PPIP5K2: variants seen among roughly 807,000 people sequenced by gnomAD.
PPIP5K2 encodes the protein inositol hexakisphosphate and diphosphoinositol-pentakisphosphate kinase 2.
A neutral mutation model predicts 154.6 loss-of-function variants in PPIP5K2; 105 were observed. That is an observed-to-expected ratio of 0.68 (90% CI 0.58 to 0.80). The LOEUF is 0.80. Among genes scored for constraint, PPIP5K2 ranks in the 30% least tolerant of loss-of-function variants. The pLI is 0.00. For synonymous variants in PPIP5K2, 480 were observed against 490.3 expected, an observed-to-expected ratio of 0.98 and a Z score of 0.28; for missense variants, 992 against 1,504.6, an observed-to-expected ratio of 0.66 and a Z score of 5.64.
chr5:103,195,138 C>A, intron 30 of PPIP5K2, 113 bp downstream of exon 30: 2 of 1,303,584 alleles, frequency 1.5e-6, no homozygotes, highest in Non-Finnish European at 1.0e-6. Flanking sequence ...TTCCCTAGAG[C>A]GTAATGATCC....
chr5:103,131,332 T>C (rs1790572165), intron 2 of PPIP5K2, among the ~76,000 whole-genome samples: 1 of 152,210 alleles, frequency 6.6e-6, no homozygotes, highest in South Asian at 2.1e-4. Flanking sequence ...AAATTACTTA[T>C]ATCTAATACA....
chr5:103,199,921 T>C (rs1802711358), intron 30 of PPIP5K2, among the ~76,000 whole-genome samples: 1 of 152,186 alleles, frequency 6.6e-6, no homozygotes, highest in Non-Finnish European at 1.5e-5. Context: ...CTGACTCATC[T>C]CCAAAGTGAT....
At chr5:103,129,781 T>C in intron 2 of PPIP5K2, 78 bp downstream of exon 2, 2 of 1,403,316 alleles carry the variant, frequency 1.4e-6, no homozygotes, top group Non-Finnish European at 1.9e-6. Context: ...TAGTCTTTTT[T>C]TGTTGGAAAA....
intron 1 of PPIP5K2, among the ~76,000 whole-genome samples, chr5:103,122,514 G>A (rs906666695): frequency 2.6e-4 from 40 of 152,204 alleles, no homozygotes; most frequent in Admixed American, 1.6e-3. Context: ...AGAAGGTTGT[G>A]TGGAACTTGG....
At chr5:103,132,723 A>G (rs557560518) in intron 2 of PPIP5K2, among the ~76,000 whole-genome samples, 1 of 152,332 alleles carries the variant, frequency 6.6e-6, no homozygotes, top group South Asian at 2.1e-4. Context: ...TGTATATTTG[A>G]TAAAACTCTC....
chr5:103,138,289 T>C (rs1315096256), intron 4 of PPIP5K2, 95 bp from the exon 5 acceptor site: 6 of 633,408 alleles, frequency 9.5e-6, no homozygotes, highest in Non-Finnish European at 1.5e-5. Flanking sequence ...TTTTTAGTTA[T>C]AGAACAACAA....
chr5:103,180,480 G>A lies in PPIP5K2; in HGVS notation c.2922+292G>A, dbSNP rs575486889. 2.0e-5 allele frequency among the ~76,000 whole-genome samples: 3 copies of A among 151,916 alleles called. No individual in the cohort carries two copies. The East Asian group carries it at 5.8e-4, about 29-fold the overall frequency. On this transcript the variant is annotated intron_variant, in intron 24 of 30. Coordinates refer to ENST00000358359, the MANE Select transcript of PPIP5K2 (RefSeq NM_001276277.3). ...GCTTTTTTTTTGTCTTGTTACATTAGGAATATTTACATTAGGTTGATCTTC... is the reference window on the plus strand; with the variant it reads ...GCTTTTTTTTTGTCTTGTTACATTAAGAATATTTACATTAGGTTGATCTTC...
intron 24 of PPIP5K2, among the ~76,000 whole-genome samples, chr5:103,181,842 T>A (rs887374653): frequency 6.6e-6 from 1 of 152,258 alleles, no homozygotes; most frequent in Admixed American, 6.5e-5. Flanking sequence ...GTGCTCCAGT[T>A]TGACAATTTT....
chr5:103,140,836 CAAA>C (rs34150862), intron 5 of PPIP5K2, among the ~76,000 whole-genome samples: 122 of 88,162 alleles, frequency 1.4e-3, no homozygotes, highest in African/African-American at 4.3e-3. Context: ...GACTCCGTCT[CAAA>C]AAAAAAAAAA....
At chr5:103,136,204 C>T (rs1791473772) in intron 3 of PPIP5K2, 1 of 152,610 alleles carries the variant, frequency 6.6e-6, no homozygotes, top group African/African-American at 2.4e-5. Flanking sequence ...AACTCCTGAC[C>T]TCAGGTGATC....
Position 103,168,147 on chromosome 5 carries a change from CA to C in PPIP5K2, c.2141del (p.Lys714ArgfsTer17). On this transcript the variant is annotated frameshift_variant, in exon 19 of 31. Transcript: ENST00000358359. LOFTEE classifies it high-confidence loss of function. ...RWSKLEKDFK[T>X]KNGRYDISKI... The stretch of plus-strand genomic sequence containing the variant: ...TCCAAGTTAGAGAAAGACTTTAAAA[CA>C]AAGAATGGAAGATATGATATTAGTA... The C allele has an allele frequency of 1.2e-6, 2 of 1,609,948 alleles. No individual in the cohort carries two copies. The highest frequency in any genetic ancestry group is 1.7e-6 in the Non-Finnish European group (2 of 1,177,160).
intron 28 of PPIP5K2, 43 bp downstream of exon 28, chr5:103,187,419 C>T: frequency 7.2e-7 from 1 of 1,385,190 alleles, no homozygotes; most frequent in Non-Finnish European, 9.8e-7. Flanking sequence ...CCTGCTTCAT[C>T]CCTTTTTTAT....
chr5:103,153,796 C>T (rs1246661525), intron 10 of PPIP5K2, 52 bp from the exon 11 acceptor site: 9 of 1,290,610 alleles, frequency 7.0e-6, no homozygotes, highest in East Asian at 2.4e-5. Flanking sequence ...CTGAATTATA[C>T]AACACAAATC....
intron 5 of PPIP5K2, among the ~76,000 whole-genome samples, chr5:103,141,688 G>A (rs1792698153): frequency 6.6e-6 from 1 of 152,162 alleles, no homozygotes; most frequent in Admixed American, 6.5e-5. Flanking sequence ...GATGCAGAGT[G>A]TCGATTGGTG....
At position 103,211,179 on chromosome 5, in the gene PPIP5K2, A is replaced by T. The variant is rs536873706; in HGVS notation, c.*9545A>T. 1 of 152,228 alleles carries T rather than the reference A, an allele frequency of 6.6e-6. No individual in the cohort carries two copies. Among genetic ancestry groups the T allele is most frequent in the East Asian group, 1.9e-4 (1 of 5,190 alleles). The allele number at this position is 152,228 out of a possible 1,614,324, so 9.4% of individuals were successfully genotyped here. ...AGTCCATAATGTTGTGATTCTAAGAATATTTCATTCCTTACTGCTTTCTGC... is the reference window on the plus strand; with the variant it reads ...AGTCCATAATGTTGTGATTCTAAGATTATTTCATTCCTTACTGCTTTCTGC... On this transcript the variant is annotated 3_prime_UTR_variant, in exon 31 of 31. Coordinates refer to ENST00000358359, the MANE Select transcript of PPIP5K2 (RefSeq NM_001276277.3).
In PPIP5K2 at chr5:103,205,648, G is replaced by C. The variant is rs782453655; in HGVS notation, c.*4014G>C. On this transcript the variant is annotated 3_prime_UTR_variant, in exon 31 of 31. Coordinates refer to ENST00000358359, the MANE Select transcript of PPIP5K2 (RefSeq NM_001276277.3). Reference sequence around the variant, plus strand: ...GTGAGAAAAACATCTTTTCGCTTAGGGATCACTGTCAATTTCTCCTTTTAT... The same window carrying C: ...GTGAGAAAAACATCTTTTCGCTTAGCGATCACTGTCAATTTCTCCTTTTAT... 1 of 152,034 alleles carries C rather than the reference G, an allele frequency of 6.6e-6. No individual in the cohort carries two copies. Among genetic ancestry groups the C allele is most frequent in the Non-Finnish European group, 1.5e-5 (1 of 68,008 alleles). The allele number at this position is 152,034 out of a possible 1,614,324, so 9.4% of individuals were successfully genotyped here. A position where few individuals can be genotyped will look rare whatever the true frequency, so the allele number is the denominator to read the frequency against.
chr5:103,167,816 G>C (rs886801717), intron 18 of PPIP5K2, among the ~76,000 whole-genome samples: 2 of 151,890 alleles, frequency 1.3e-5, no homozygotes, highest in East Asian at 1.9e-4. Flanking sequence ...GCTTAAAAGA[G>C]CTTTGTTAAA....
At chr5:103,187,224 C>A (rs1320644261) in intron 27 of PPIP5K2, 90 bp from the exon 28 acceptor site, 6 of 895,868 alleles carry the variant, frequency 6.7e-6, no homozygotes, top group Admixed American at 4.7e-5. Flanking sequence ...CCTTTCTAAC[C>A]TCCTCATATA....
At chr5:103,131,563 A>G (rs257294) in intron 2 of PPIP5K2, among the ~76,000 whole-genome samples, 45,209 of 151,950 alleles carry the variant, frequency 0.3, 6,893 homozygotes, top group East Asian at 0.45. Context: ...GTTCCCTGTT[A>G]AGGACAGGTA....
Sources: gnomAD v4.1 joint callset for allele counts (sites outside exome capture counted in the v4.1 genomes callset) on GRCh38, gnomAD v4.1.1 for gene constraint, MANE v1.5 for transcripts, NCBI Gene and HGNC (gene_info 2026-07-23, HGNC 2026-07-21) for gene names.